Variants in STXBP5 observed in about 807,000 individuals in gnomAD.
The protein encoded by STXBP5 is syntaxin-binding protein 5.
A neutral mutation model predicts 152.4 loss-of-function variants in STXBP5; 50 were observed. The ratio of observed to expected loss-of-function variants is 0.33; its 90% CI spans 0.26 to 0.42. The LOEUF (loss-of-function observed/expected upper bound fraction) is 0.42. Among genes scored for constraint, STXBP5 ranks in the 10% least tolerant of loss-of-function variants. The probability of loss-of-function intolerance (pLI) is 1.00; values close to 1 mark genes in which losing one functional copy is unlikely to be tolerated. For missense variants in STXBP5, 1,167 were observed against 1,388.6 expected (o/e 0.84, Z 2.54); for synonymous variants, 492 against 494.7 (o/e 0.99, Z 0.07).
At chr6:147,363,177 T>C (rs1785140905) in intron 23 of STXBP5, among the ~76,000 whole-genome samples, 158 bp from the exon 24 acceptor site, 1 of 152,236 alleles carries the variant, frequency 6.6e-6, no homozygotes. Flanking sequence ...GACTCATAAA[T>C]ACCACGCTTA....
intron 2 of STXBP5, among the ~76,000 whole-genome samples, chr6:147,224,730 A>C (rs1003864461): frequency 4.6e-5 from 7 of 152,218 alleles, no homozygotes; most frequent in African/African-American, 1.7e-4. Context: ...AGTGTGGATG[A>C]AGAAATCAAA....
At chr6:147,206,810 A>G (rs1776588599) in intron 2 of STXBP5, among the ~76,000 whole-genome samples, 2 of 152,106 alleles carry the variant, frequency 1.3e-5, no homozygotes, top group Admixed American at 6.5e-5. Context: ...GATTTTTTTC[A>G]AGATAATTTT....
chr6:147,306,535 AAAG>A (rs1782102398), intron 9 of STXBP5, among the ~76,000 whole-genome samples: 3 of 152,206 alleles, frequency 2.0e-5, no homozygotes, highest in African/African-American at 4.8e-5. Context: ...GTGGAGATGA[AAAG>A]GAGGAGACAG....
Position 147,369,691 on chromosome 6 carries a change from T to G in STXBP5, c.3082-4040T>G, listed in dbSNP as rs1183375991. Among the ~76,000 whole-genome samples the G allele has an allele frequency of 2.0e-5, 3 of 152,120 alleles. No homozygotes were observed. In the East Asian group the frequency reaches 5.8e-4, roughly 29 times the overall value. On this transcript the variant is annotated intron_variant, in intron 25 of 27. Transcript: ENST00000321680. ...GCTCACCATGAAAAGATTCTCAACA[T>G]TATTTATCATTAGAGAACTGCAAAT...
chr6:147,217,618 G>C (rs770591237), intron 2 of STXBP5, among the ~76,000 whole-genome samples: 10 of 152,092 alleles, frequency 6.6e-5, no homozygotes, highest in Non-Finnish European at 1.2e-4. Flanking sequence ...ACTCTAATTT[G>C]TTCACAAATA....
At chr6:147,261,816 A>G (rs889173992) in intron 5 of STXBP5, among the ~76,000 whole-genome samples, 15 of 151,854 alleles carry the variant, frequency 9.9e-5, no homozygotes, top group African/African-American at 3.6e-4. Flanking sequence ...CATCAGTTCA[A>G]CCATATTCTT....
chr6:147,205,909 CT>C, intron 1 of STXBP5, 61 bp from the exon 2 acceptor site: 1 of 1,308,372 alleles, frequency 7.6e-7, no homozygotes, highest in Non-Finnish European at 1.1e-6. Context: ...CCTCTATTGA[CT>C]TTCTATTTTA....
rs556814327 is a variant in STXBP5, at chr6:147,377,456, T to A, written c.3193+3614T>A. Among the ~76,000 whole-genome samples, 3 of 152,240 alleles carry A rather than the reference T, an allele frequency of 2.0e-5. No individual in the cohort carries two copies. In the South Asian group the frequency reaches 6.2e-4, roughly 32 times the overall value. ...AAATAGTAAAATACAATTGAAAAAT[T>A]AACAGAGCTGTCTTAGTTCAGGCTG... On this transcript the variant is annotated intron_variant, in intron 26 of 27. Coordinates refer to ENST00000321680, the MANE Select transcript of STXBP5 (RefSeq NM_001127715.4).
intron 2 of STXBP5, among the ~76,000 whole-genome samples, chr6:147,208,872 T>G (rs1776706587): frequency 6.6e-6 from 1 of 152,148 alleles, no homozygotes; most frequent in South Asian, 2.1e-4. Flanking sequence ...CTTAATCCTT[T>G]AATAATACAT....
intron 26 of STXBP5, among the ~76,000 whole-genome samples, chr6:147,380,209 C>G (rs1311517641): frequency 7.1e-6 from 1 of 140,368 alleles, no homozygotes; most frequent in African/African-American, 2.6e-5. Context: ...CACACACACA[C>G]AAATATTGAA....
intron 2 of STXBP5, among the ~76,000 whole-genome samples, chr6:147,207,386 G>C (rs562948279): frequency 1.3e-5 from 2 of 152,112 alleles, no homozygotes; most frequent in African/African-American, 4.8e-5. Context: ...CTTTATAAAC[G>C]ACAAAATCTG....
At chr6:147,239,641 G>A (rs541458297) in intron 4 of STXBP5, among the ~76,000 whole-genome samples, 3 of 152,170 alleles carry the variant, frequency 2.0e-5, no homozygotes, top group African/African-American at 7.2e-5. Flanking sequence ...AAATCTTCCT[G>A]AATCATTTTC....
At chr6:147,368,421 A>C (rs1393988257) in intron 25 of STXBP5, among the ~76,000 whole-genome samples, 2 of 152,200 alleles carry the variant, frequency 1.3e-5, no homozygotes, top group Non-Finnish European at 1.5e-5. Context: ...GCAGTTGACA[A>C]AATCTAACAA....
chr6:147,291,320 A>C, intron 9 of STXBP5, 148 bp downstream of exon 9: 1 of 537,432 alleles, frequency 1.9e-6, no homozygotes, highest in Non-Finnish European at 3.1e-6. Context: ...CAAAAGAAGT[A>C]AAATTGGTAA....
chr6:147,355,101 GCTTCACCATC>G (rs1784757231), intron 22 of STXBP5, among the ~76,000 whole-genome samples: 1 of 151,966 alleles, frequency 6.6e-6, no homozygotes, highest in Non-Finnish European at 1.5e-5. Flanking sequence ...TTGCACTATA[GCTTCACCATC>G]CTGGATTCTG....
At chr6:147,293,373 C>G (rs1456981352) in intron 9 of STXBP5, 2 of 152,166 alleles carry the variant, frequency 1.3e-5, no homozygotes, top group African/African-American at 4.8e-5. Flanking sequence ...TCAACATATT[C>G]TTCTTTTCTC....
intron 9 of STXBP5, among the ~76,000 whole-genome samples, chr6:147,301,418 T>C (rs1353841195): frequency 1.3e-5 from 2 of 152,204 alleles, no homozygotes; most frequent in African/African-American, 4.8e-5. Flanking sequence ...TATATGTATG[T>C]AATTTCATCT....
chr6:147,301,655 C>G (rs1039628955), intron 9 of STXBP5, among the ~76,000 whole-genome samples: 76 of 152,186 alleles, frequency 5.0e-4, no homozygotes, highest in East Asian at 1.9e-4. Context: ...TTCTCCCAGT[C>G]TTAATCCCCA....
chr6:147,253,595 TC>T (rs1172990575), intron 4 of STXBP5, among the ~76,000 whole-genome samples: 13 of 152,164 alleles, frequency 8.5e-5, no homozygotes, highest in African/African-American at 3.1e-4. Context: ...ATAAGCAACT[TC>T]AGCAAAGTTT....
Sources: gnomAD v4.1 joint callset for allele counts (sites outside exome capture counted in the v4.1 genomes callset) on GRCh38, gnomAD v4.1.1 for gene constraint, MANE v1.5 for transcripts, NCBI Gene and HGNC (gene_info 2026-07-23, HGNC 2026-07-21) for gene names.